Variants in NRG1 observed in about 807,000 individuals in gnomAD.
NRG1 encodes the protein neuregulin 1.
Under a neutral mutation model 63.8 loss-of-function variants are expected in NRG1, and 18 were observed. The ratio of observed to expected loss-of-function variants is 0.28; its 90% CI spans 0.19 to 0.42. NRG1 has a LOEUF of 0.42. NRG1 is among the 10% of genes least tolerant of loss of function. NRG1 has a pLI of 1.00. For synonymous variants in NRG1, 302 were observed against 301.3 expected, an observed-to-expected ratio of 1.00 and a Z score of -0.02; for missense variants, 762 against 814.7, an observed-to-expected ratio of 0.94 and a Z score of 0.79.
At chr8:32,762,629 C>T (rs533756205) in intron 11 of NRG1, among the ~76,000 whole-genome samples, 3 of 152,236 alleles carry the variant, frequency 2.0e-5, no homozygotes, top group Middle Eastern at 6.8e-3. Context: ...ATACGTTTTC[C>T]GTTCCTGTTA....
At chr8:32,342,338 A>G in intron 1 of NRG1, among the ~76,000 whole-genome samples, 1 of 152,222 alleles carries the variant, frequency 6.6e-6, no homozygotes, top group East Asian at 1.9e-4. Flanking sequence ...GTCATTTTGT[A>G]AAAAATGAAA....
At chr8:32,525,965 C>T (rs1830799960) in intron 1 of NRG1, among the ~76,000 whole-genome samples, 1 of 152,160 alleles carries the variant, frequency 6.6e-6, no homozygotes, top group Admixed American at 6.5e-5. Flanking sequence ...TGTCGATACC[C>T]ATTTTATTTC....
At chr8:32,572,051 G>A (rs1838699705) in intron 1 of NRG1, among the ~76,000 whole-genome samples, 1 of 151,776 alleles carries the variant, frequency 6.6e-6, no homozygotes, top group Admixed American at 6.6e-5. Context: ...TTCCTAAGTT[G>A]CCCACATTTT....
chr8:32,240,428 T>C (rs1399053020), intron 1 of NRG1, among the ~76,000 whole-genome samples: 1 of 152,108 alleles, frequency 6.6e-6, no homozygotes, highest in East Asian at 1.9e-4. Flanking sequence ...GGTGTGTGTG[T>C]CCATAAAAAC....
chr8:32,396,143 T>G lies in NRG1; in HGVS notation c.38-199685T>G, dbSNP rs536621580. Among the ~76,000 whole-genome samples, 4 of 152,332 alleles carry G rather than the reference T, an allele frequency of 2.6e-5. 1 individual carries two copies. The South Asian group carries it at 8.3e-4, about 32-fold the overall frequency. ...ATGACTTTAGCTTTATAATAAATCTTGAAGTCTGGTAAATTAAGTCCCCCA... is the reference window on the plus strand; with the variant it reads ...ATGACTTTAGCTTTATAATAAATCTGGAAGTCTGGTAAATTAAGTCCCCCA... On this transcript the variant is annotated intron_variant, in intron 1 of 10. Transcript: ENST00000519301.
intron 1 of NRG1, among the ~76,000 whole-genome samples, chr8:32,157,049 CGTGTGTGTGT>C (rs34725608): frequency 0.013 from 1,822 of 140,990 alleles, 39 homozygotes; most frequent in African/African-American, 0.045. Flanking sequence ...AATTAAAACT[CGTGTGTGTGT>C]GTGTGTGTGT....
chr8:32,386,938 T>G (rs1587282508), intron 1 of NRG1, among the ~76,000 whole-genome samples: 1 of 152,052 alleles, frequency 6.6e-6, no homozygotes, highest in East Asian at 1.9e-4. Flanking sequence ...AAGCCAATGA[T>G]GTCCTTGTGA....
At chr8:31,647,376 G>A (rs1014049259) in intron 1 of NRG1, among the ~76,000 whole-genome samples, 10 of 152,206 alleles carry the variant, frequency 6.6e-5, no homozygotes, top group African/African-American at 2.4e-4. Flanking sequence ...GGGCTCTGAT[G>A]AATAATGAGG....
rs377059464 is a variant in NRG1, at chr8:31,657,444, A to G, written c.37+18013A>G. Among the ~76,000 whole-genome samples, 74 of 152,236 alleles carry G rather than the reference A, an allele frequency of 4.9e-4. No homozygotes were observed. In the South Asian group the frequency reaches 0.013, roughly 28 times the overall value. On this transcript the variant is annotated intron_variant, in intron 1 of 10. Coordinates refer to the NRG1 transcript ENST00000519301. Reference sequence around the variant, plus strand: ...AGATATTCTGATCTTGGACAGACCAATGGTTTGTAAAATGGGTTGCATATT... The same window carrying G: ...AGATATTCTGATCTTGGACAGACCAGTGGTTTGTAAAATGGGTTGCATATT...
intron 5 of NRG1, among the ~76,000 whole-genome samples, chr8:32,688,366 A>G (rs1427346825): frequency 6.6e-6 from 1 of 152,166 alleles, no homozygotes; most frequent in Non-Finnish European, 1.5e-5. Context: ...CTTTCAAAGC[A>G]TGGAGCAGAT....
At chr8:32,023,375 C>T (rs978713286) in intron 1 of NRG1, among the ~76,000 whole-genome samples, 3 of 152,202 alleles carry the variant, frequency 2.0e-5, no homozygotes, top group African/African-American at 4.8e-5. Context: ...TTTATAGTGC[C>T]GCAAAGAAAA....
intron 1 of NRG1, among the ~76,000 whole-genome samples, chr8:32,447,332 T>G (rs1820393981): frequency 6.6e-6 from 1 of 152,070 alleles, no homozygotes; most frequent in African/African-American, 2.4e-5. Flanking sequence ...CCTAAAATAC[T>G]TTTAATAAGA....
chr8:32,515,829 T>C (rs1416627325), intron 1 of NRG1, among the ~76,000 whole-genome samples: 1 of 152,184 alleles, frequency 6.6e-6, no homozygotes, highest in Non-Finnish European at 1.5e-5. Context: ...TGCCCACTGC[T>C]TAGTTTGCAA....
At chr8:32,233,089 G>T (rs1475393034) in intron 1 of NRG1, among the ~76,000 whole-genome samples, 1 of 152,024 alleles carries the variant, frequency 6.6e-6, no homozygotes, top group Non-Finnish European at 1.5e-5. Context: ...CCTTTGAAGT[G>T]TATATTATTA....
At chr8:32,317,746 C>G (rs1327552340) in intron 1 of NRG1, among the ~76,000 whole-genome samples, 2 of 152,140 alleles carry the variant, frequency 1.3e-5, no homozygotes, top group Admixed American at 1.3e-4. Context: ...CCTAATTGTG[C>G]TCTTTTAAAG....
chr8:32,367,200 T>C (rs1808181851), intron 1 of NRG1, among the ~76,000 whole-genome samples: 1 of 152,244 alleles, frequency 6.6e-6, no homozygotes, highest in South Asian at 2.1e-4. Context: ...TTTAGTTTTT[T>C]GAGAAACCTC....
intron 1 of NRG1, among the ~76,000 whole-genome samples, chr8:31,857,345 G>T (rs188113087): frequency 1.3e-5 from 2 of 152,150 alleles, no homozygotes; most frequent in Non-Finnish European, 2.9e-5. Context: ...TTGGAAAAGC[G>T]CAGTATTCAG....
intron 5 of NRG1, chr8:32,647,794 A>T (rs1245403917): frequency 1.4e-5 from 22 of 1,613,384 alleles, no homozygotes; most frequent in East Asian, 4.5e-5. Flanking sequence ...CTGAGTGCAG[A>T]CCCATCTCTT....
intron 1 of NRG1, among the ~76,000 whole-genome samples, chr8:32,497,221 T>C (rs887894449): frequency 6.6e-6 from 1 of 151,888 alleles, no homozygotes; most frequent in Admixed American, 6.6e-5. Flanking sequence ...CCGAGGCAGG[T>C]GGATCATCTG....
Sources: allele counts gnomAD v4.1 joint callset (sites outside exome capture counted in the v4.1 genomes callset), GRCh38; gene constraint gnomAD v4.1.1; transcripts MANE v1.5; gene names NCBI Gene and HGNC (gene_info 2026-07-23, HGNC 2026-07-21).